The following SBK3 variants were observed in gnomAD, a reference collection of about 807,000 sequenced individuals.
The protein encoded by SBK3 is SH3 domain binding kinase family member 3.
SBK3 carries 16 observed loss-of-function variants against 12.7 expected under a neutral mutation model. That is an observed-to-expected ratio of 1.26 (90% CI 0.86 to 1.92). The LOEUF (loss-of-function observed/expected upper bound fraction) is 1.92. SBK3 is among the 40% of genes most tolerant of loss of function. The probability of loss-of-function intolerance (pLI) is 0.00; values close to 1 mark genes in which losing one functional copy is unlikely to be tolerated. For missense variants in SBK3, 462 were observed against 481.8 expected, an observed-to-expected ratio of 0.96 and a Z score of 0.38; for synonymous variants, 217 against 213.6, an observed-to-expected ratio of 1.02 and a Z score of -0.14.
chr19:55,542,804 CCTT>C (rs1382094514), intron 3 of SBK3, among the ~76,000 whole-genome samples: 1 of 147,236 alleles, frequency 6.8e-6, no homozygotes, highest in Non-Finnish European at 1.5e-5. Context: ...ACCAATCCTT[CCTT>C]CTATCGATCC....
At chr19:55,544,046 G>A in intron 3 of SBK3, 54 bp downstream of exon 3, 1 of 1,389,976 alleles carries the variant, frequency 7.2e-7, no homozygotes, top group East Asian at 2.6e-5. Context: ...CGGGGCTTGG[G>A]ACAGAGTTGG....
intron 3 of SBK3, among the ~76,000 whole-genome samples, chr19:55,542,798 ATCCT>A (rs1021231345): frequency 2.1e-5 from 3 of 141,080 alleles, no homozygotes; most frequent in African/African-American, 8.2e-5. Flanking sequence ...CCACCCACCA[ATCCT>A]TCCTTCTATC....
chr19:55,541,035 TG>T lies in SBK3; in HGVS notation c.890del (p.Pro297HisfsTer?). On this transcript the variant is annotated frameshift_variant, in exon 4 of 4. Transcript: ENST00000612221. LOFTEE classifies it low-confidence loss of function (END_TRUNC). This position sits in a 1 kb window ranked among gnomAD's most constrained non-coding sequence, Gnocchi z 5.3. ...LDLDPETRSP[P>X]LAVLDFLGDD... ...CCCCCAGGAAGTCCAGGACAGCCAG[TG>T]GGGGGCTCCTAGTCTCGGGATCCAG... is the stretch of plus-strand genomic sequence containing the variant. 6.5e-7 allele frequency: 1 copy of T among 1,535,812 alleles called. No individual in the cohort carries two copies. Among genetic ancestry groups the T allele is most frequent in the Non-Finnish European group, 8.7e-7 (1 of 1,146,816 alleles).
chr19:55,544,405 C>A, intron 2 of SBK3, 103 bp from the exon 3 acceptor site: 1 of 885,382 alleles, frequency 1.1e-6, no homozygotes, highest in Admixed American at 2.6e-5. Flanking sequence ...TTCTCATGGG[C>A]AGCACGGGCT....
At position 55,545,096 on chromosome 19, in the gene SBK3, C is replaced by T. The variant is rs537782244; in HGVS notation, c.46-147G>A. On this transcript the variant is annotated intron_variant, in intron 1 of 3. Transcript: ENST00000612221. This position sits in a 1 kb window ranked among gnomAD's most constrained non-coding sequence, Gnocchi z 4.4. ...CAGAGAGGAGGATGAGTCACAGTGA[C>T]TCACCCGGACTCGGGCCACCTGTTT... 1,651 of 639,910 alleles carry T rather than the reference C, an allele frequency of 2.6e-3. 4 individuals carry two copies. The highest frequency in any genetic ancestry group is 5.6e-3 in the Middle Eastern group (13 of 2,330). The allele number at this position is 639,910 out of a possible 1,614,324, so 39.6% of individuals were successfully genotyped here.
chr19:55,543,416 C>T (rs1988608320), intron 3 of SBK3, among the ~76,000 whole-genome samples: 1 of 148,636 alleles, frequency 6.7e-6, no homozygotes, highest in Non-Finnish European at 1.5e-5. Context: ...ACCCATCTGT[C>T]CACTCACCCA....
Position 55,544,276 on chromosome 19 carries a change from G to A in SBK3, c.223C>T (p.Arg75Cys), listed in dbSNP as rs563631333. ...GTGCTTCTCAGGACCAAATCCCGACGCAGGAGCTTCAGAGCCACAGCTGGA... is the reference window on the plus strand; with the variant it reads ...GTGCTTCTCAGGACCAAATCCCGACACAGGAGCTTCAGAGCCACAGCTGGA... ...GGPAVALKLL[R>C]RDLVLRSTFL... Residue 75 changes from arginine to cysteine, a missense_variant, in exon 3 of 4, where the codon CGT (arginine) becomes TGT (cysteine). Coordinates refer to ENST00000612221, the MANE Select transcript of SBK3 (RefSeq NM_001199824.2). 322 of 1,535,936 alleles carry A rather than the reference G, an allele frequency of 2.1e-4. No individual in the cohort carries two copies. The African/African-American group carries it at 3.7e-3, about 18-fold the overall frequency.
Position 55,540,956 on chromosome 19 carries a change from C to A in SBK3, c.970G>T (p.Val324Leu). The part of the protein sequence containing the change: ...REGPGVLGSA[V>L]SYEDREEGGS... Reference sequence around the variant, plus strand: ...CCCTCCTCCCTGTCCTCATAGGACACGGCGCTCCCCAAAACCCCAGGTCCC... The same window carrying A: ...CCCTCCTCCCTGTCCTCATAGGACAAGGCGCTCCCCAAAACCCCAGGTCCC... The change falls in exon 4 of 4, where the codon GTG (valine) becomes TTG (leucine). Residue 324 changes from valine (V) to leucine (L), a missense_variant. Transcript: ENST00000612221. 3 of 1,535,708 alleles carry A rather than the reference C, an allele frequency of 2.0e-6. No homozygotes were observed. Among genetic ancestry groups the A allele is most frequent in the Non-Finnish European group, 2.6e-6 (3 of 1,146,596 alleles).
intron 2 of SBK3, 71 bp downstream of exon 2, chr19:55,544,727 CT>C: frequency 4.3e-6 from 6 of 1,395,178 alleles, no homozygotes; most frequent in Non-Finnish European, 5.7e-6. Context: ...GGAATGCCCC[CT>C]GTCTGGGTGG....
At chr19:55,542,766 A>G (rs111064792) in intron 3 of SBK3, among the ~76,000 whole-genome samples, 17,610 of 141,302 alleles carry the variant, frequency 0.12, 1,764 homozygotes, top group African/African-American at 0.27. Context: ...AAAACCTTTC[A>G]TCCATCCATC....
In SBK3 at chr19:55,545,366, C is replaced by T; in HGVS notation, c.45+133G>A. 2.8e-6 allele frequency: 2 copies of T among 709,286 alleles called. No homozygotes were observed. The highest frequency in any genetic ancestry group is 2.4e-4 in the Middle Eastern group (1 of 4,106). 43.9% of individuals were successfully genotyped at this position (709,286 alleles called of 1,614,324 possible). A position where few individuals can be genotyped will look rare whatever the true frequency, so the allele number is the denominator to read the frequency against. On this transcript the variant is annotated intron_variant, in intron 1 of 3. Transcript: ENST00000612221. This position sits in a 1 kb window ranked among gnomAD's most constrained non-coding sequence, Gnocchi z 4.4. ...CCTTGGATCTCTGTCATCCTCTCTC[C>T]CTGGGTCTGGGTCTCTGAGGTCTTT... is the stretch of plus-strand genomic sequence containing the variant.
chr19:55,544,989 G>C (rs1359798155), intron 1 of SBK3, 40 bp from the exon 2 acceptor site: 1 of 1,483,768 alleles, frequency 6.7e-7, no homozygotes, highest in Non-Finnish European at 9.0e-7. Flanking sequence ...GCGCGTCTGG[G>C]GTCCACTGAG....
Position 55,544,153 on chromosome 19 carries a change from A to C in SBK3, c.346T>G (p.Phe116Val). 2.0e-6 allele frequency: 3 copies of C among 1,534,930 alleles called. No homozygotes were observed. Among genetic ancestry groups the C allele is most frequent in the Non-Finnish European group, 2.6e-6 (3 of 1,146,364 alleles). Residue 116 changes from phenylalanine (F) to valine (V), a missense_variant, in exon 3 of 4, where the codon TTC becomes GTC. Phe to Val is a conservative substitution (Grantham distance 50). Transcript: ENST00000612221. Reference sequence around the variant, plus strand: ...CCACAGGGCGCGTACTCCTGGGCGAAGGCAAAATAGCGGGGGGTCTGTAGG... The same window carrying C: ...CCACAGGGCGCGTACTCCTGGGCGACGGCAAAATAGCGGGGGGTCTGTAGG... ...GPLQTPRYFA[F>V]AQEYAPCGDL...
intron 3 of SBK3, among the ~76,000 whole-genome samples, chr19:55,543,479 C>T (rs922350956): frequency 2.6e-5 from 4 of 151,376 alleles, no homozygotes; most frequent in African/African-American, 9.7e-5. Flanking sequence ...ATGTACCTTC[C>T]TCATCCCCTT....
In SBK3 at chr19:55,545,102, C is replaced by T. The variant is rs958867753; in HGVS notation, c.46-153G>A. ...GGAGGATGAGTCACAGTGACTCACC[C>T]GGACTCGGGCCACCTGTTTTTGTGT... On this transcript the variant is annotated intron_variant, in intron 1 of 3. Transcript: ENST00000612221. This position sits in a 1 kb window ranked among gnomAD's most constrained non-coding sequence, Gnocchi z 4.4. 3.2e-5 allele frequency: 20 copies of T among 621,020 alleles called. No homozygotes were observed. The highest frequency in any genetic ancestry group is 4.9e-5 in the Non-Finnish European group (18 of 363,766). 38.5% of individuals were successfully genotyped at this position (621,020 alleles called of 1,614,324 possible).
chr19:55,541,674 C>A lies in SBK3; in HGVS notation c.400-148G>T. On this transcript the variant is annotated intron_variant, in intron 3 of 3. Transcript: ENST00000612221. The surrounding 1 kb of genome is among the most constrained non-coding windows in gnomAD (Gnocchi z 5.3). ...GGATTATAGGCATGAGGCACTGCACCAGTTGGTTCCTTCTGAATAATTTTT... is the reference window on the plus strand; with the variant it reads ...GGATTATAGGCATGAGGCACTGCACAAGTTGGTTCCTTCTGAATAATTTTT... The A allele has an allele frequency of 1.7e-6, 1 of 588,236 alleles. No individual in the cohort carries two copies. The highest frequency in any genetic ancestry group is 2.6e-5 in the South Asian group (1 of 39,134). The allele number at this position is 588,236 out of a possible 1,614,324, so 36.4% of individuals were successfully genotyped here.
In SBK3 at chr19:55,545,526, G is replaced by A. The variant is rs1390719789; in HGVS notation, c.18C>T (p.Ser6=). The change falls in exon 1 of 4, where the codon TCC becomes TCT. Residue 6 remains serine, a synonymous_variant. Transcript: ENST00000612221. This position sits in a 1 kb window ranked among gnomAD's most constrained non-coding sequence, Gnocchi z 4.4. ...CTGGGTCCCCATCCTCAGGGGTCTC[G>A]GAGGCCCTGCGCTCCATCTCAGGGC... MERRA[S]ETPEDGDPEE... is the part of the protein sequence containing the mutation. The A allele has an allele frequency of 7.2e-6, 11 of 1,534,404 alleles. No homozygotes were observed. Among genetic ancestry groups the A allele is most frequent in the Middle Eastern group, 1.7e-4 (1 of 5,998 alleles).
chr19:55,541,540 G>A lies in SBK3; in HGVS notation c.400-14C>T. 1 of 1,491,788 alleles carries A rather than the reference G, an allele frequency of 6.7e-7. No individual in the cohort carries two copies. The highest frequency in any genetic ancestry group is 8.9e-7 in the Non-Finnish European group (1 of 1,120,434). 92.4% of individuals were successfully genotyped at this position (1,491,788 alleles called of 1,614,324 possible). A position where few individuals can be genotyped will look rare whatever the true frequency, so the allele number is the denominator to read the frequency against. On this transcript the variant is annotated splice_polypyrimidine_tract_variant and intron_variant, in intron 3 of 3. Coordinates refer to ENST00000612221, the MANE Select transcript of SBK3 (RefSeq NM_001199824.2). This position sits in a 1 kb window ranked among gnomAD's most constrained non-coding sequence, Gnocchi z 5.3. ...TTCTGGGAGGCCCTGAGGTCAAGAA[G>A]ACAGGAGGAGGGTCAGAGTGTCTTG...
chr19:55,544,828 C>A lies in SBK3; in HGVS notation c.167G>T (p.Arg56Leu). Residue 56 changes from arginine to leucine, a missense_variant, in exon 2 of 4, where the codon CGC (arginine) becomes CTC (leucine). Arg to Leu is a moderately radical substitution (Grantham distance 102). Coordinates refer to ENST00000612221, the MANE Select transcript of SBK3 (RefSeq NM_001199824.2). The part of the protein sequence containing the change: ...IRKLGSGSYG[R>L]VLLAQPHQGG... ...CTGGTGAGGCTGGGCAAGGAGCACG[C>A]GGCCGTAGGAGCCGGAGCCCAGCTT... is the stretch of plus-strand genomic sequence containing the variant. 1.3e-6 allele frequency: 2 copies of A among 1,527,698 alleles called. No individual in the cohort carries two copies. Among genetic ancestry groups the A allele is most frequent in the Non-Finnish European group, 1.7e-6 (2 of 1,142,970 alleles). 94.6% of individuals were successfully genotyped at this position (1,527,698 alleles called of 1,614,324 possible). A position where few individuals can be genotyped will look rare whatever the true frequency, so the allele number is the denominator to read the frequency against.
Sources: allele counts gnomAD v4.1 joint callset (sites outside exome capture counted in the v4.1 genomes callset), GRCh38; gene constraint gnomAD v4.1.1; non-coding constraint Gnocchi (gnomAD v3.1); transcripts MANE v1.5; gene names NCBI Gene and HGNC (gene_info 2026-07-23, HGNC 2026-07-21).